Variants in SH3BP4 observed in about 807,000 individuals in gnomAD.
SH3BP4 encodes the protein SH3 domain binding protein 4.
A neutral mutation model predicts 65.5 loss-of-function variants in SH3BP4; 33 were observed. The observed-to-expected ratio is 0.50, with a 90% CI of 0.38 to 0.67. SH3BP4 has a LOEUF of 0.67. Ranked by LOEUF, SH3BP4 falls within the 30% of genes least tolerant of loss-of-function variation. The pLI is 0.00. For synonymous variants in SH3BP4, 552 were observed against 545.5 expected (o/e 1.01, Z -0.17); for missense variants, 1,134 against 1,261.4 (o/e 0.90, Z 1.53).
chr2:235,045,275 G>A lies in SH3BP4; in HGVS notation c.2478+2028G>A, dbSNP rs1367982389. On this transcript the variant is annotated intron_variant, in intron 4 of 5. Coordinates refer to ENST00000392011, the MANE Select transcript of SH3BP4 (RefSeq NM_014521.3). The surrounding 1 kb of genome is among the most constrained non-coding windows in gnomAD (Gnocchi z 4.3). ...CTGAGCCCAGGACACTCACCTCGACGTTGCACCAGAGGTGGAAAAATGACA... is the reference window on the plus strand; with the variant it reads ...CTGAGCCCAGGACACTCACCTCGACATTGCACCAGAGGTGGAAAAATGACA... Among the ~76,000 whole-genome samples, 4 of 152,164 alleles carry A rather than the reference G, an allele frequency of 2.6e-5. No individual in the cohort carries two copies. The highest frequency in any genetic ancestry group is 7.2e-5 in the African/African-American group (3 of 41,444).
Position 235,031,924 on chromosome 2 carries a change from T to C in SH3BP4, c.-132-2947T>C, listed in dbSNP as rs943872126. Among the ~76,000 whole-genome samples the C allele has an allele frequency of 4.6e-5, 7 of 152,250 alleles. 1 individual carries two copies. The highest frequency in any genetic ancestry group is 1.0e-4 in the Non-Finnish European group (7 of 68,036). ...AGAGCCAGGACATGCCTGGAAGCTT[T>C]TGGGAATGCCTCCCTCTTGTGCCCA... is the stretch of plus-strand genomic sequence containing the variant. On this transcript the variant is annotated intron_variant, in intron 2 of 5. Transcript: ENST00000392011.
chr2:234,956,936 C>T (rs534958083), intron 1 of SH3BP4, among the ~76,000 whole-genome samples: 1 of 152,226 alleles, frequency 6.6e-6, no homozygotes, highest in East Asian at 1.9e-4. Flanking sequence ...CATAGTGTGC[C>T]GGTAAACCTG....
chr2:234,996,820 G>A (rs1368840751), intron 2 of SH3BP4, among the ~76,000 whole-genome samples: 1 of 152,250 alleles, frequency 6.6e-6, no homozygotes, highest in African/African-American at 2.4e-5. Flanking sequence ...TGGCCTCGCT[G>A]GACTTTGCAT....
In SH3BP4 at chr2:235,046,238, A is replaced by G. The variant is rs7600029; in HGVS notation, c.2478+2991A>G. 0.013 allele frequency among the ~76,000 whole-genome samples: 1,936 copies of G among 152,032 alleles called. 32 individuals carry two copies. The highest frequency in any genetic ancestry group is 0.045 in the African/African-American group (1,846 of 41,460). ...CCTTCTCTGCAGCCCCGCGCACTCC[A>G]TCATCCTCTGTCTCCATGGTGTTTC... On this transcript the variant is annotated intron_variant, in intron 4 of 5. Coordinates refer to ENST00000392011, the MANE Select transcript of SH3BP4 (RefSeq NM_014521.3). The surrounding 1 kb of genome is among the most constrained non-coding windows in gnomAD (Gnocchi z 4.2).
At chr2:235,002,693 T>C (rs1436243156) in intron 2 of SH3BP4, among the ~76,000 whole-genome samples, 1 of 152,228 alleles carries the variant, frequency 6.6e-6, no homozygotes, top group Non-Finnish European at 1.5e-5. Context: ...GCCACTGCAC[T>C]GCAGCCTGCA....
At chr2:234,990,156 GAA>G (rs1251995740) in intron 1 of SH3BP4, among the ~76,000 whole-genome samples, 2 of 152,212 alleles carry the variant, frequency 1.3e-5, no homozygotes, top group Non-Finnish European at 2.9e-5. Context: ...TCCAAAATCT[GAA>G]ATCCAAAGCA....
intron 2 of SH3BP4, among the ~76,000 whole-genome samples, chr2:235,019,272 C>T (rs1289080194): frequency 6.6e-6 from 1 of 151,996 alleles, no homozygotes; most frequent in African/African-American, 2.4e-5. Context: ...AGTGATGGTG[C>T]ACACAGCCGG....
intron 1 of SH3BP4, among the ~76,000 whole-genome samples, chr2:234,963,143 G>A (rs1457077657): frequency 6.6e-6 from 1 of 152,150 alleles, no homozygotes; most frequent in Admixed American, 6.5e-5. Flanking sequence ...TTCATGTCAG[G>A]TTTGTATAGG....
chr2:234,972,062 G>A (rs1198091816), intron 1 of SH3BP4, among the ~76,000 whole-genome samples: 2 of 151,320 alleles, frequency 1.3e-5, no homozygotes, highest in African/African-American at 2.4e-5. Context: ...TGATCCACCC[G>A]TCTCAGCCTC....
At chr2:235,038,782 C>A (rs913485320) in intron 3 of SH3BP4, among the ~76,000 whole-genome samples, 1 of 152,016 alleles carries the variant, frequency 6.6e-6, no homozygotes, top group African/African-American at 2.4e-5. Flanking sequence ...AGGGGGCAGG[C>A]AGGGAGTCCT....
chr2:235,005,908 C>T (rs1694278059), intron 2 of SH3BP4, among the ~76,000 whole-genome samples: 1 of 152,236 alleles, frequency 6.6e-6, no homozygotes, highest in Admixed American at 6.5e-5. Context: ...CAGCCAAGCA[C>T]TCTTAGCTCC....
intron 2 of SH3BP4, among the ~76,000 whole-genome samples, chr2:235,027,492 G>A (rs1010368649): frequency 1.3e-5 from 2 of 152,236 alleles, no homozygotes; most frequent in South Asian, 2.1e-4. Flanking sequence ...ACTCTTGCTC[G>A]CGGAGGGAGA....
rs1286933609 is a variant in SH3BP4, at chr2:235,014,317, G to A, written c.-133+18941G>A. On this transcript the variant is annotated intron_variant, in intron 2 of 5. Transcript: ENST00000392011. ...GGCCGAGTTTTGTGGTGGAGGCCTC[G>A]TCCCTCTTTTTGGGGAGCTTACCCT... Among the ~76,000 whole-genome samples the A allele has an allele frequency of 5.9e-5, 9 of 152,250 alleles. No individual in the cohort carries two copies. The South Asian group carries it at 1.5e-3, about 25-fold the overall frequency.
At chr2:234,958,729 G>A (rs915003683) in intron 1 of SH3BP4, among the ~76,000 whole-genome samples, 1 of 152,032 alleles carries the variant, frequency 6.6e-6, no homozygotes, top group Non-Finnish European at 1.5e-5. Context: ...CAAAGCAGAC[G>A]GGACAGTTCT....
rs749468395 is a variant in SH3BP4, at chr2:235,046,980, A to G, written c.2478+3733A>G. Among the ~76,000 whole-genome samples, 1 of 152,068 alleles carries G rather than the reference A, an allele frequency of 6.6e-6. No individual in the cohort carries two copies. The highest frequency in any genetic ancestry group is 1.5e-5 in the Non-Finnish European group (1 of 68,016). On this transcript the variant is annotated intron_variant, in intron 4 of 5. Transcript: ENST00000392011. The surrounding 1 kb of genome is among the most constrained non-coding windows in gnomAD (Gnocchi z 4.2). Reference sequence around the variant, plus strand: ...CTCAGAGCACCCCTCTGTCCTGGCCACTTCTCTCCCACCAGAGCCTCTGTC... The same window carrying G: ...CTCAGAGCACCCCTCTGTCCTGGCCGCTTCTCTCCCACCAGAGCCTCTGTC...
At chr2:234,985,873 G>A (rs1693538019) in intron 1 of SH3BP4, among the ~76,000 whole-genome samples, 1 of 152,064 alleles carries the variant, frequency 6.6e-6, no homozygotes, top group South Asian at 2.1e-4. Context: ...TATGAGCTCA[G>A]GGTCCATGTG....
At chr2:235,024,413 C>T (rs532721590) in intron 2 of SH3BP4, among the ~76,000 whole-genome samples, 13 of 152,244 alleles carry the variant, frequency 8.5e-5, no homozygotes, top group Non-Finnish European at 1.3e-4. Flanking sequence ...CTTTTTGCAA[C>T]GACTGTGGCA....
chr2:234,953,426 T>A (rs1370860998), intron 1 of SH3BP4, among the ~76,000 whole-genome samples: 1 of 152,144 alleles, frequency 6.6e-6, no homozygotes, highest in Non-Finnish European at 1.5e-5. Flanking sequence ...GTTTGGGTTT[T>A]TTCCTTGCTC....
chr2:234,976,129 C>G lies in SH3BP4; in HGVS notation c.-206-19174C>G, dbSNP rs929652614. Among the ~76,000 whole-genome samples, 1 of 152,122 alleles carries G rather than the reference C, an allele frequency of 6.6e-6. No individual in the cohort carries two copies. The highest frequency in any genetic ancestry group is 2.4e-5 in the African/African-American group (1 of 41,434). ...GTTGTATCTTCTAGGGACAGGGGCCCTGGCTTTCATCTAGTGACCCCTGTG... is the reference window on the plus strand; with the variant it reads ...GTTGTATCTTCTAGGGACAGGGGCCGTGGCTTTCATCTAGTGACCCCTGTG... On this transcript the variant is annotated intron_variant, in intron 1 of 5. Coordinates refer to ENST00000392011, the MANE Select transcript of SH3BP4 (RefSeq NM_014521.3). The surrounding 1 kb of genome is among the most constrained non-coding windows in gnomAD (Gnocchi z 4.7).
Sources: allele counts gnomAD v4.1 joint callset (sites outside exome capture counted in the v4.1 genomes callset), GRCh38; gene constraint gnomAD v4.1.1; non-coding constraint Gnocchi (gnomAD v3.1); transcripts MANE v1.5; gene names NCBI Gene and HGNC (gene_info 2026-07-23, HGNC 2026-07-21).